The following WDR47 variants were observed in gnomAD, a reference collection of about 807,000 sequenced individuals.
WDR47 encodes the protein WD repeat domain 47.
Under a neutral mutation model 97.2 loss-of-function variants are expected in WDR47, and 32 were observed. The ratio of observed to expected loss-of-function variants is 0.33; its 90% CI spans 0.25 to 0.44. The LOEUF is 0.44. Among genes scored for constraint, WDR47 ranks in the 20% least tolerant of loss-of-function variants. The pLI, the probability that WDR47 is intolerant of heterozygous loss-of-function variation, is 1.00. For missense variants in WDR47, 782 were observed against 1,102.3 expected, an observed-to-expected ratio of 0.71 and a Z score of 4.11; for synonymous variants, 375 against 373.5, an observed-to-expected ratio of 1.00 and a Z score of -0.05.
chr1:109,036,401 G>A (rs535539140), intron 1 of WDR47, among the ~76,000 whole-genome samples: 56 of 151,766 alleles, frequency 3.7e-4, no homozygotes, highest in African/African-American at 1.3e-3. Flanking sequence ...GTGAAATCCC[G>A]TCTCTACTAA....
At chr1:108,993,583 A>G in intron 8 of WDR47, among the ~76,000 whole-genome samples, 1 of 152,188 alleles carries the variant, frequency 6.6e-6, no homozygotes, top group East Asian at 1.9e-4. Context: ...GGAATCTAAT[A>G]AAGAGATGAG....
intron 3 of WDR47, 85 bp downstream of exon 3, chr1:109,017,433 A>AAAAATG (rs1240151827): frequency 4.2e-5 from 49 of 1,174,540 alleles, no homozygotes; most frequent in Admixed American, 2.1e-5. Flanking sequence ...GTGGAGAAAG[A>AAAAATG]AAAATGAAAA....
chr1:109,017,544 T>C lies in WDR47; in HGVS notation c.216A>G (p.Glu72=), dbSNP rs1386909058. Residue 72 remains glutamate, a synonymous_variant, in exon 3 of 15, where the codon GAA becomes GAG. Coordinates refer to ENST00000369962, the MANE Select transcript of WDR47 (RefSeq NM_001142551.2). ...DEVLQFIQPL[E]CMEKFDKKRF... ...TTTTTTTGTCAAATTTTTCCATACATTCTAGAGGCTGAATGAACTGAAGAA... is the reference window on the plus strand; with the variant it reads ...TTTTTTTGTCAAATTTTTCCATACACTCTAGAGGCTGAATGAACTGAAGAA... The C allele has an allele frequency of 1.9e-6, 3 of 1,613,012 alleles. No homozygotes were observed. The highest frequency in any genetic ancestry group is 1.7e-5 in the Admixed American group (1 of 59,636).
intron 2 of WDR47, among the ~76,000 whole-genome samples, chr1:109,022,018 T>C (rs1661884903): frequency 6.6e-6 from 1 of 151,962 alleles, no homozygotes; most frequent in South Asian, 2.1e-4. Context: ...CAGCTAATTT[T>C]TGTATTTTTA....
rs747704800 is a variant in WDR47 at position 108,971,568 on chromosome 1, G to A, written c.2622C>T (p.Asp874=). The change falls in exon 15 of 15, where the codon GAC becomes GAT. Residue 874 remains aspartate (D), a synonymous_variant. Transcript: ENST00000369962. ...CCATGATAGGAAGCTGCTTGGTGAGGTCCCCTAAATTACAAAAGAGATGTT... is the reference window on the plus strand; with the variant it reads ...CCATGATAGGAAGCTGCTTGGTGAGATCCCCTAAATTACAAAAGAGATGTT... ...MKIKVTDLQG[D]LTKQLPIMVV... is the part of the protein sequence containing the mutation. 1.2e-6 allele frequency: 2 copies of A among 1,613,920 alleles called. No individual in the cohort carries two copies. The highest frequency in any genetic ancestry group is 1.7e-5 in the Admixed American group (1 of 59,988).
At chr1:108,992,493 C>A (rs889924055) in intron 8 of WDR47, 8 of 1,526,980 alleles carry the variant, frequency 5.2e-6, no homozygotes, top group South Asian at 1.1e-5. Flanking sequence ...GGCAGGTGTG[C>A]GCAGGCCAAG....
intron 4 of WDR47, among the ~76,000 whole-genome samples, chr1:109,013,476 G>A (rs1215238694): frequency 1.3e-5 from 2 of 150,496 alleles, no homozygotes; most frequent in African/African-American, 4.9e-5. Context: ...CTGGATCAAA[G>A]ACAATACAGA....
intron 7 of WDR47, 93 bp downstream of exon 7, chr1:109,002,131 A>G: frequency 2.2e-6 from 3 of 1,377,022 alleles, no homozygotes; most frequent in Non-Finnish European, 2.9e-6. Context: ...AAAGCCTTAA[A>G]ATGTCAAACT....
At chr1:109,001,905 C>T (rs1571193802) in intron 7 of WDR47, among the ~76,000 whole-genome samples, 1 of 113,002 alleles carries the variant, frequency 8.8e-6, no homozygotes, top group South Asian at 3.0e-4. Context: ...AAAAAAAAAG[C>T]AGCAGATAAA....
Position 108,988,058 on chromosome 1 carries a change from A to G in WDR47, c.1768-1378T>C, listed in dbSNP as rs574607354. Reference sequence around the variant, plus strand: ...TGAAACCAGGCTGTGCAACATGGCTAAACCCCATCTCTATAAAAATGAAAA... The same window carrying G: ...TGAAACCAGGCTGTGCAACATGGCTGAACCCCATCTCTATAAAAATGAAAA... On this transcript the variant is annotated intron_variant, in intron 9 of 14. Coordinates refer to ENST00000369962, the MANE Select transcript of WDR47 (RefSeq NM_001142551.2). Among the ~76,000 whole-genome samples, 9 of 151,374 alleles carry G rather than the reference A, an allele frequency of 5.9e-5. No homozygotes were observed. In the South Asian group the frequency reaches 1.5e-3, roughly 25 times the overall value.
rs757537954 is a variant in WDR47, at chr1:109,010,887, T to C, written c.1130+29A>G. 7.6e-6 allele frequency: 12 copies of C among 1,578,576 alleles called. No homozygotes were observed. The East Asian group carries it at 1.8e-4, about 24-fold the overall frequency. On this transcript the variant is annotated intron_variant, in intron 5 of 14. Coordinates refer to ENST00000369962, the MANE Select transcript of WDR47 (RefSeq NM_001142551.2). ...ATAAGCCACTGCACCCGGCCTAAGA[T>C]TTCCTAATTTTTATAACCAAATGCT...
chr1:108,977,343 A>G (rs2101794145), intron 13 of WDR47, among the ~76,000 whole-genome samples: 1 of 152,074 alleles, frequency 6.6e-6, no homozygotes, highest in African/African-American at 2.4e-5. Flanking sequence ...TAGTAAAGGC[A>G]GGGTTTCACC....
intron 8 of WDR47, among the ~76,000 whole-genome samples, chr1:108,994,612 CA>C (rs1285028882): frequency 7.6e-6 from 1 of 131,678 alleles, no homozygotes; most frequent in Non-Finnish European, 1.8e-5. Context: ...TCAAGAGAAA[CA>C]GCCAAATGGG....
intron 7 of WDR47, among the ~76,000 whole-genome samples, chr1:109,000,808 A>G (rs545675163): frequency 6.6e-6 from 1 of 152,278 alleles, no homozygotes; most frequent in South Asian, 2.1e-4. Flanking sequence ...ATTACTTCCA[A>G]TATTGTTGAA....
chr1:109,030,310 G>C (rs1662528894), intron 1 of WDR47: 2 of 1,219,378 alleles, frequency 1.6e-6, no homozygotes, highest in East Asian at 2.5e-5. Flanking sequence ...TCAGGAAGAA[G>C]CAGCACTAAA....
chr1:108,984,196 C>T (rs911251200), intron 10 of WDR47, among the ~76,000 whole-genome samples: 3 of 152,094 alleles, frequency 2.0e-5, no homozygotes, highest in Admixed American at 2.0e-4. Flanking sequence ...GTTCTAAATG[C>T]CATGCTCCTC....
chr1:108,981,740 A>G lies in WDR47; in HGVS notation c.2391T>C (p.His797=). The G allele has an allele frequency of 6.2e-7, 1 of 1,612,264 alleles. No individual in the cohort carries two copies. The highest frequency in any genetic ancestry group is 8.5e-7 in the Non-Finnish European group (1 of 1,179,282). The part of the protein sequence containing the change: ...SCVRVVGTTF[H]GTGSAVASVA... ...ATTTAAAGAAAAACCTACCAGTTCC[A>G]TGAAATGTTGTGCCAACAACACGAA... The change falls in exon 13 of 15, where the codon CAT becomes CAC. Residue 797 remains histidine, a synonymous_variant. Transcript: ENST00000369962.
rs544817364 is a variant in WDR47, at chr1:108,984,315, T to A, written c.1926-864A>T. On this transcript the variant is annotated intron_variant, in intron 10 of 14. Transcript: ENST00000369962. ...TGACACTAAAGATTTCTAAATCAGG[T>A]ATAATGATAAAATCAAGTCTATGTA... 4.1e-4 allele frequency among the ~76,000 whole-genome samples: 63 copies of A among 152,308 alleles called. No homozygotes were observed. In the South Asian group the frequency reaches 0.012, roughly 30 times the overall value.
Position 108,997,969 on chromosome 1 carries a change from A to G in WDR47, c.1434-2132T>C, listed in dbSNP as rs569986303. On this transcript the variant is annotated intron_variant, in intron 7 of 14. Coordinates refer to ENST00000369962, the MANE Select transcript of WDR47 (RefSeq NM_001142551.2). Reference sequence around the variant, plus strand: ...AATTTTCCTACATTAAACATTGTTTATTTATATTTTTAGGGTTTAAAAATA... The same window carrying G: ...AATTTTCCTACATTAAACATTGTTTGTTTATATTTTTAGGGTTTAAAAATA... Among the ~76,000 whole-genome samples the G allele has an allele frequency of 2.0e-5, 3 of 152,218 alleles. No individual in the cohort carries two copies. The South Asian group carries it at 6.2e-4, about 32-fold the overall frequency.
Sources: gnomAD v4.1 joint callset for allele counts (sites outside exome capture counted in the v4.1 genomes callset) on GRCh38, gnomAD v4.1.1 for gene constraint, MANE v1.5 for transcripts, NCBI Gene and HGNC (gene_info 2026-07-23, HGNC 2026-07-21) for gene names.